FMN2: variants seen among roughly 807,000 people sequenced by gnomAD.
FMN2 encodes the protein formin 2.
FMN2 carries 51 observed loss-of-function variants against 142.3 expected under a neutral mutation model. The ratio of observed to expected loss-of-function variants is 0.36; its 90% CI spans 0.29 to 0.45. The LOEUF (loss-of-function observed/expected upper bound fraction) is 0.45. Among genes scored for constraint, FMN2 ranks in the 20% least tolerant of loss-of-function variants. The probability of loss-of-function intolerance (pLI) is 1.00; values close to 1 mark genes in which losing one functional copy is unlikely to be tolerated. For missense variants in FMN2, 1,936 were observed against 2,122.8 expected (o/e 0.91, Z 1.73); for synonymous variants, 882 against 869.8 (o/e 1.01, Z -0.25).
At chr1:240,424,972 A>C (rs1674887392) in intron 15 of FMN2, among the ~76,000 whole-genome samples, 1 of 152,212 alleles carries the variant, frequency 6.6e-6, no homozygotes. Context: ...CAGGTGCCTG[A>C]GAATAAAGCC....
At chr1:240,223,184 T>G (rs1286461253) in intron 6 of FMN2, among the ~76,000 whole-genome samples, 3 of 152,188 alleles carry the variant, frequency 2.0e-5, no homozygotes, top group Non-Finnish European at 2.9e-5. Context: ...ATTGAGAGCT[T>G]TTAGCATAAA....
At chr1:240,437,980 C>CTCGGTGGTCGCCGT in intron 15 of FMN2, 81 bp from the exon 16 acceptor site, 1 of 1,488,114 alleles carries the variant, frequency 6.7e-7, no homozygotes, top group Non-Finnish European at 9.1e-7. Flanking sequence ...TGAATAAAAT[C>CTCGGTGGTCGCCGT]AGCATTTGGA....
At chr1:240,372,106 G>A (rs1415181303) in intron 14 of FMN2, among the ~76,000 whole-genome samples, 6 of 152,202 alleles carry the variant, frequency 3.9e-5, no homozygotes, top group African/African-American at 1.4e-4. Context: ...CATGGTGGTA[G>A]GCACCTGTAA....
intron 13 of FMN2, among the ~76,000 whole-genome samples, chr1:240,345,663 A>G (rs1320733221): frequency 1.3e-5 from 2 of 151,976 alleles, no homozygotes; most frequent in Non-Finnish European, 2.9e-5. Context: ...TTGTATTTTT[A>G]GTAGAGACAG....
intron 1 of FMN2, among the ~76,000 whole-genome samples, chr1:240,094,066 A>G (rs1661114226): frequency 6.6e-6 from 1 of 152,146 alleles, no homozygotes; most frequent in Non-Finnish European, 1.5e-5. Context: ...CTAAACCATC[A>G]TTCTTCTCTT....
chr1:240,201,308 A>G (rs535473854), intron 4 of FMN2, among the ~76,000 whole-genome samples: 5 of 152,212 alleles, frequency 3.3e-5, no homozygotes, highest in Non-Finnish European at 5.9e-5. Context: ...ACCACATGAC[A>G]CAAATGCAGC....
intron 3 of FMN2, among the ~76,000 whole-genome samples, chr1:240,182,812 G>A (rs1665205628): frequency 6.6e-6 from 1 of 152,034 alleles, no homozygotes; most frequent in Non-Finnish European, 1.5e-5. Flanking sequence ...TGAAAACACA[G>A]TCACTCACAG....
chr1:240,171,030 C>T (rs1396720799), intron 2 of FMN2: 12 of 940,404 alleles, frequency 1.3e-5, no homozygotes, highest in Admixed American at 1.0e-4. Flanking sequence ...AGGGCTGGGG[C>T]GTCAGTGTGG....
intron 4 of FMN2, among the ~76,000 whole-genome samples, chr1:240,190,269 G>A (rs183769444): frequency 3.3e-5 from 5 of 152,298 alleles, no homozygotes; most frequent in East Asian, 1.9e-4. Context: ...GAAGTGTCTG[G>A]AAGTCAGGAA....
In FMN2 at chr1:240,093,081, A is replaced by T; in HGVS notation, c.972A>T (p.Pro324=). ...AKDSPSSTAF[P]FPEAGPGEEA... is the part of the protein sequence containing the mutation. ...ACTCGCCCTCCTCCACGGCTTTCCC[A>T]TTTCCCGAGGCCGGGCCGGGGGAGG... is the stretch of plus-strand genomic sequence containing the variant. Residue 324 remains proline, a synonymous_variant, in exon 1 of 18, where the codon CCA becomes CCT. Coordinates refer to ENST00000319653, the MANE Select transcript of FMN2 (RefSeq NM_020066.5). 1 of 1,393,234 alleles carries T rather than the reference A, an allele frequency of 7.2e-7. No homozygotes were observed. The allele number at this position is 1,393,234 out of a possible 1,614,324, so 86.3% of individuals were successfully genotyped here. A position where few individuals can be genotyped will look rare whatever the true frequency, so the allele number is the denominator to read the frequency against.
At chr1:240,355,679 T>C (rs1672240821) in intron 13 of FMN2, 137 bp from the exon 14 acceptor site, 2 of 511,534 alleles carry the variant, frequency 3.9e-6, no homozygotes, top group South Asian at 4.5e-5. Context: ...TATTTGGATG[T>C]TTCCAAAATG....
intron 15 of FMN2, among the ~76,000 whole-genome samples, chr1:240,407,610 A>G (rs12028974): frequency 0.81 from 123,846 of 152,018 alleles, 50,578 homozygotes; most frequent in Middle Eastern, 0.88. Flanking sequence ...ATGTGATCAC[A>G]TGATATTTTA....
In FMN2 at chr1:240,236,050, G is replaced by A. The variant is rs142363869; in HGVS notation, c.4066-21895G>A. On this transcript the variant is annotated intron_variant, in intron 6 of 17. Coordinates refer to ENST00000319653, the MANE Select transcript of FMN2 (RefSeq NM_020066.5). Reference sequence around the variant, plus strand: ...TTTGGTGTGGAATTACCTTGTACCCGTTTGGAGATAGACACAAAGGAGGTG... The same window carrying A: ...TTTGGTGTGGAATTACCTTGTACCCATTTGGAGATAGACACAAAGGAGGTG... 1.5e-3 allele frequency among the ~76,000 whole-genome samples: 222 copies of A among 152,184 alleles called. 2 individuals are homozygous for A. The highest frequency in any genetic ancestry group is 6.8e-3 in the Middle Eastern group (2 of 294).
intron 16 of FMN2, among the ~76,000 whole-genome samples, chr1:240,439,531 T>C (rs1311130771): frequency 1.3e-5 from 2 of 152,188 alleles, no homozygotes; most frequent in African/African-American, 4.8e-5. Context: ...TCCATAGGTC[T>C]GTCATAGAAG....
intron 4 of FMN2, among the ~76,000 whole-genome samples, chr1:240,193,966 A>T (rs1288284742): frequency 6.6e-6 from 1 of 152,198 alleles, no homozygotes. Flanking sequence ...CTTCAGCGTT[A>T]TCACTCACTA....
chr1:240,093,138 G>T lies in FMN2; in HGVS notation c.1029G>T (p.Gly343=). The T allele has an allele frequency of 1.4e-6, 2 of 1,413,672 alleles. No homozygotes were observed. The highest frequency in any genetic ancestry group is 1.8e-6 in the Non-Finnish European group (2 of 1,092,130). 87.6% of individuals were successfully genotyped at this position (1,413,672 alleles called of 1,614,324 possible). A position where few individuals can be genotyped will look rare whatever the true frequency, so the allele number is the denominator to read the frequency against. Residue 343 remains glycine, a synonymous_variant, in exon 1 of 18, where the codon GGG becomes GGT. Transcript: ENST00000319653. The part of the protein sequence containing the change: ...EAAGAPVRGA[G]DTDEEGEEDA... Reference sequence around the variant, plus strand: ...CCGGAGCCCCCGTGCGAGGGGCTGGGGACACGGATGAGGAGGGTGAGGAGG... The same window carrying T: ...CCGGAGCCCCCGTGCGAGGGGCTGGTGACACGGATGAGGAGGGTGAGGAGG...
chr1:240,465,700 C>A (rs940004696), intron 16 of FMN2, among the ~76,000 whole-genome samples: 1 of 152,066 alleles, frequency 6.6e-6, no homozygotes, highest in Non-Finnish European at 1.5e-5. Context: ...TTATTTAGAC[C>A]AAGCTATTAA....
At chr1:240,272,096 A>ATTTG (rs1306075574) in intron 7 of FMN2, among the ~76,000 whole-genome samples, 7 of 151,938 alleles carry the variant, frequency 4.6e-5, no homozygotes, top group Admixed American at 3.9e-4. Flanking sequence ...GTATTTGTTT[A>ATTTG]TTTGTTTGTT....
chr1:240,125,030 C>A lies in FMN2; in HGVS notation c.1782+1685C>A, dbSNP rs1326034528. Reference sequence around the variant, plus strand: ...GCTGCCAACAGTGCTCTCTTATCAGCCTTCTTCAATATATAGGAATAAAAT... The same window carrying A: ...GCTGCCAACAGTGCTCTCTTATCAGACTTCTTCAATATATAGGAATAAAAT... On this transcript the variant is annotated intron_variant, in intron 2 of 17. Coordinates refer to ENST00000319653, the MANE Select transcript of FMN2 (RefSeq NM_020066.5). Among the ~76,000 whole-genome samples the A allele has an allele frequency of 3.9e-5, 6 of 152,166 alleles. No individual in the cohort carries two copies. In the East Asian group the frequency reaches 1.2e-3, roughly 29 times the overall value.
Sources: allele counts gnomAD v4.1 joint callset (sites outside exome capture counted in the v4.1 genomes callset), GRCh38; gene constraint gnomAD v4.1.1; transcripts MANE v1.5; gene names NCBI Gene and HGNC (gene_info 2026-07-23, HGNC 2026-07-21).